CENPO: variants seen among roughly 807,000 people sequenced by gnomAD.
CENPO encodes the protein centromeric protein O.
Under a neutral mutation model 36.1 loss-of-function variants are expected in CENPO, and 30 were observed. The ratio of observed to expected loss-of-function variants is 0.83; its 90% CI spans 0.62 to 1.13. The LOEUF (loss-of-function observed/expected upper bound fraction) is 1.13, where lower values mean the gene tolerates loss of function less well. Ranked by LOEUF, CENPO falls within the 50% of genes most tolerant of loss-of-function variation. The probability of loss-of-function intolerance (pLI) is 0.00; values close to 1 mark genes in which losing one functional copy is unlikely to be tolerated. For synonymous variants in CENPO, 171 were observed against 142.3 expected, an observed-to-expected ratio of 1.20 and a Z score of -1.44; for missense variants, 349 against 357.8, an observed-to-expected ratio of 0.98 and a Z score of 0.20.
intron 2 of CENPO, among the ~76,000 whole-genome samples, chr2:24,795,963 G>A (rs947326981): frequency 4.6e-5 from 7 of 152,150 alleles, no homozygotes; most frequent in South Asian, 2.1e-4. Context: ...GGTTTCTCAC[G>A]ATTATTATTG....
intron 4 of CENPO, 91 bp downstream of exon 4, chr2:24,814,584 T>C (rs1366248729): frequency 5.4e-6 from 4 of 736,368 alleles, no homozygotes; most frequent in Non-Finnish European, 1.0e-5. Context: ...AATTATTTCA[T>C]AATTTATAGT....
At chr2:24,815,201 G>A (rs1431110229) in intron 4 of CENPO, among the ~76,000 whole-genome samples, 8 of 147,284 alleles carry the variant, frequency 5.4e-5, no homozygotes, top group Non-Finnish European at 8.9e-5. Flanking sequence ...TCGTGCCACC[G>A]CACTCCAGCC....
At position 24,793,893 on chromosome 2, in the gene CENPO, T is replaced by G. The variant is rs1665753712; in HGVS notation, c.-27T>G. The stretch of plus-strand genomic sequence containing the variant: ...CCTATCACCGGTTGCCTAGACAACT[T>G]CATGGGAAGGCCCTTGGGAATCTGA... On this transcript the variant is annotated 5_prime_UTR_variant, in exon 2 of 8. Coordinates refer to ENST00000380834, the MANE Select transcript of CENPO (RefSeq NM_001322101.2). The G allele has an allele frequency of 6.2e-7, 1 of 1,614,070 alleles. No individual in the cohort carries two copies.
At chr2:24,798,359 A>T (rs1285506759) in intron 2 of CENPO, among the ~76,000 whole-genome samples, 1 of 152,106 alleles carries the variant, frequency 6.6e-6, no homozygotes, top group Non-Finnish European at 1.5e-5. Flanking sequence ...ACAGCAGAGA[A>T]AAGGGTAACT....
chr2:24,813,592 A>G (rs1170200225), intron 3 of CENPO, among the ~76,000 whole-genome samples: 1 of 152,158 alleles, frequency 6.6e-6, no homozygotes, highest in Admixed American at 6.5e-5. Context: ...CAGCTTAGGA[A>G]TTAGCAAATG....
At chr2:24,813,873 C>G (rs2148286154) in intron 3 of CENPO, among the ~76,000 whole-genome samples, 1 of 152,310 alleles carries the variant, frequency 6.6e-6, no homozygotes, top group South Asian at 2.1e-4. Flanking sequence ...TGCCTTCAAA[C>G]CATTTGCTCT....
rs1667648401 is a variant in CENPO, at chr2:24,821,218, C to G, written c.*1900C>G. The G allele has an allele frequency of 2.2e-6, 1 of 448,976 alleles. No homozygotes were observed. The highest frequency in any genetic ancestry group is 2.9e-5 in the South Asian group (1 of 33,900). The allele number at this position is 448,976 out of a possible 1,614,324, so 27.8% of individuals were successfully genotyped here. On this transcript the variant is annotated 3_prime_UTR_variant, in exon 8 of 8. Coordinates refer to ENST00000380834, the MANE Select transcript of CENPO (RefSeq NM_001322101.2). ...CCTGTCTGGGAAGCCATGTCCTCAG[C>G]AGGCACAGCAACCCCTCTGGAAATG...
At chr2:24,806,620 G>A (rs1666418853) in intron 3 of CENPO, among the ~76,000 whole-genome samples, 1 of 152,174 alleles carries the variant, frequency 6.6e-6, no homozygotes, top group Non-Finnish European at 1.5e-5. Flanking sequence ...CATAGGATAT[G>A]CATATTCGGT....
chr2:24,807,788 A>G (rs911385935), intron 3 of CENPO, among the ~76,000 whole-genome samples: 10 of 152,216 alleles, frequency 6.6e-5, no homozygotes, highest in East Asian at 1.9e-4. Flanking sequence ...ATTTTTACCA[A>G]TACTTGCTAT....
At chr2:24,817,481 T>G (rs1667001395) in intron 6 of CENPO, among the ~76,000 whole-genome samples, 189 bp from the exon 7 acceptor site, 3 of 32,844 alleles carry the variant, frequency 9.1e-5, no homozygotes, top group Admixed American at 3.6e-4. Flanking sequence ...AAAAAAGCTG[T>G]ATGGGTCCAG....
chr2:24,804,267 G>T (rs925734062), intron 3 of CENPO, among the ~76,000 whole-genome samples: 1 of 152,060 alleles, frequency 6.6e-6, no homozygotes, highest in African/African-American at 2.4e-5. Flanking sequence ...ACACTGATGG[G>T]TCTTGACTAT....
At position 24,820,604 on chromosome 2, in the gene CENPO, T is replaced by C; in HGVS notation, c.*1286T>C. The C allele has an allele frequency of 6.6e-7, 1 of 1,508,694 alleles. No individual in the cohort carries two copies. The highest frequency in any genetic ancestry group is 2.3e-5 in the East Asian group (1 of 43,744). The allele number at this position is 1,508,694 out of a possible 1,614,324, so 93.5% of individuals were successfully genotyped here. On this transcript the variant is annotated 3_prime_UTR_variant, in exon 8 of 8. Transcript: ENST00000380834. ...GATTCTTTTCCACTTGCCCCACGTC[T>C]CTGCCTCTGGACTTACTGTTCAGGG...
chr2:24,818,561 A>G (rs1342139508), intron 7 of CENPO, among the ~76,000 whole-genome samples: 1 of 152,226 alleles, frequency 6.6e-6, no homozygotes, highest in Non-Finnish European at 1.5e-5. Flanking sequence ...TAAAATAATC[A>G]GAGTTCAGTG....
chr2:24,816,266 A>G (rs1013897987), intron 5 of CENPO: 1 of 197,216 alleles, frequency 5.1e-6, no homozygotes, highest in Non-Finnish European at 1.0e-5. Flanking sequence ...TGCCTCCTAC[A>G]AGCTTAGCAT....
intron 2 of CENPO, among the ~76,000 whole-genome samples, chr2:24,797,992 G>C (rs1665986801): frequency 6.6e-6 from 1 of 152,104 alleles, no homozygotes; most frequent in African/African-American, 2.4e-5. Context: ...AAAATCTGAA[G>C]CTTTTTGAGC....
chr2:24,799,559 C>A, intron 2 of CENPO, 116 bp from the exon 3 acceptor site: 2 of 758,594 alleles, frequency 2.6e-6, no homozygotes, highest in Non-Finnish European at 4.2e-6. Context: ...ATTCAGCTGG[C>A]CACAAAGTTC....
At chr2:24,809,397 T>G (rs1666574089) in intron 3 of CENPO, among the ~76,000 whole-genome samples, 1 of 152,216 alleles carries the variant, frequency 6.6e-6, no homozygotes, top group African/African-American at 2.4e-5. Flanking sequence ...AGTTGTTCCT[T>G]TAGCTTCTTG....
chr2:24,818,049 C>G (rs925484044), intron 7 of CENPO, among the ~76,000 whole-genome samples: 11 of 152,246 alleles, frequency 7.2e-5, no homozygotes, highest in Admixed American at 3.3e-4. Context: ...ATTAGTTGAT[C>G]ATACATTTTA....
At chr2:24,800,367 G>A (rs562382192) in intron 3 of CENPO, among the ~76,000 whole-genome samples, 97 of 152,226 alleles carry the variant, frequency 6.4e-4, no homozygotes, top group Non-Finnish European at 8.5e-4. Flanking sequence ...GGGTACATGC[G>A]CACAACGTGT....
Sources: gnomAD v4.1 joint callset for allele counts (sites outside exome capture counted in the v4.1 genomes callset) on GRCh38, gnomAD v4.1.1 for gene constraint, MANE v1.5 for transcripts, NCBI Gene and HGNC (gene_info 2026-07-23, HGNC 2026-07-21) for gene names.